Variants in FCHSD2 observed in about 807,000 individuals in gnomAD.
FCHSD2 encodes the protein F-BAR and double SH3 domains protein 2.
FCHSD2 carries 38 observed loss-of-function variants against 108.1 expected under a neutral mutation model. The observed-to-expected ratio is 0.35, with a 90% confidence interval of 0.27 to 0.46. The LOEUF (loss-of-function observed/expected upper bound fraction) is 0.46. FCHSD2 is among the 20% of genes least tolerant of loss of function. FCHSD2 has a pLI of 1.00. For missense variants in FCHSD2, 751 were observed against 897.8 expected (o/e 0.84, Z 2.09); for synonymous variants, 279 against 314.7 (o/e 0.89, Z 1.20).
At chr11:72,884,624 T>C (rs1855160261) in intron 12 of FCHSD2, among the ~76,000 whole-genome samples, 1 of 150,778 alleles carries the variant, frequency 6.6e-6, no homozygotes, top group African/African-American at 2.4e-5. Context: ...TACACACACA[T>C]ACATATAGTC....
intron 10 of FCHSD2, among the ~76,000 whole-genome samples, chr11:72,895,329 G>A (rs954428952): frequency 3.3e-5 from 5 of 152,136 alleles, no homozygotes; most frequent in African/African-American, 1.2e-4. Context: ...TGGATTAAGA[G>A]TACCAAAGGC....
chr11:72,889,294 G>A (rs556497422), intron 11 of FCHSD2, among the ~76,000 whole-genome samples: 1 of 152,288 alleles, frequency 6.6e-6, no homozygotes, highest in Admixed American at 6.5e-5. Flanking sequence ...TGTCTTGAGG[G>A]ATGAAAACTT....
intron 2 of FCHSD2, among the ~76,000 whole-genome samples, chr11:73,109,644 A>G (rs1298359647): frequency 1.3e-5 from 2 of 152,188 alleles, no homozygotes; most frequent in African/African-American, 4.8e-5. Flanking sequence ...AATCATCTGC[A>G]AACAAGCATA....
At chr11:73,015,035 G>C (rs1198531282) in intron 4 of FCHSD2, among the ~76,000 whole-genome samples, 1 of 151,976 alleles carries the variant, frequency 6.6e-6, no homozygotes, top group African/African-American at 2.4e-5. Context: ...GTAGAGACAG[G>C]GTTTCACCAT....
intron 12 of FCHSD2, among the ~76,000 whole-genome samples, chr11:72,870,249 T>C (rs10898887): frequency 0.26 from 39,547 of 152,090 alleles, 5,470 homozygotes; most frequent in East Asian, 0.48. Context: ...GCACTCTATA[T>C]AGATCTAATT....
chr11:72,952,182 G>A (rs1175954530), intron 8 of FCHSD2, among the ~76,000 whole-genome samples: 1 of 152,052 alleles, frequency 6.6e-6, no homozygotes, highest in Non-Finnish European at 1.5e-5. Context: ...CTCAGATGAA[G>A]CAACTCTCTC....
chr11:72,953,977 A>G (rs1388975416), intron 8 of FCHSD2, among the ~76,000 whole-genome samples: 1 of 152,120 alleles, frequency 6.6e-6, no homozygotes, highest in African/African-American at 2.4e-5. Context: ...AGAATTCTGA[A>G]TTTTAAATTT....
chr11:73,059,918 G>A (rs1859121416), intron 3 of FCHSD2, among the ~76,000 whole-genome samples: 1 of 152,106 alleles, frequency 6.6e-6, no homozygotes, highest in South Asian at 2.1e-4. Flanking sequence ...GCTTATATCT[G>A]CAGAAATTCT....
chr11:72,842,988 AC>A (rs1301889852), intron 16 of FCHSD2, 147 bp from the exon 17 acceptor site: 8 of 868,336 alleles, frequency 9.2e-6, no homozygotes, highest in Non-Finnish European at 1.4e-5. Context: ...TGAATGATTA[AC>A]TTTAGGGTTC....
chr11:73,123,653 T>C (rs1283859684), intron 2 of FCHSD2, among the ~76,000 whole-genome samples: 1 of 152,176 alleles, frequency 6.6e-6, no homozygotes, highest in South Asian at 2.1e-4. Flanking sequence ...ATTCAGGAAT[T>C]TGAATAAACT....
At chr11:73,097,932 C>T (rs1290163481) in intron 2 of FCHSD2, among the ~76,000 whole-genome samples, 1 of 152,162 alleles carries the variant, frequency 6.6e-6, no homozygotes, top group African/African-American at 2.4e-5. Context: ...CCTCGGCCTC[C>T]AACTGGCTAG....
Position 73,045,540 on chromosome 11 carries a change from T to C in FCHSD2, c.166-29655A>G, listed in dbSNP as rs1303376333. On this transcript the variant is annotated intron_variant, in intron 3 of 19. Transcript: ENST00000409418. ...ACCCAGATGTCCAACAATGATAGAA[T>C]GGATTAAGAAAATGTGGCACATATA... Among the ~76,000 whole-genome samples the C allele has an allele frequency of 6.6e-5, 10 of 151,512 alleles. No individual in the cohort carries two copies. The East Asian group carries it at 1.7e-3, about 26-fold the overall frequency.
chr11:72,983,563 T>C (rs929849505), intron 8 of FCHSD2, among the ~76,000 whole-genome samples: 8 of 152,176 alleles, frequency 5.3e-5, no homozygotes, highest in African/African-American at 1.7e-4. Flanking sequence ...AGAGATACAC[T>C]ATAAAAATAT....
At chr11:72,868,074 A>T (rs755109703) in intron 12 of FCHSD2, 48 bp from the exon 13 acceptor site, 2 of 1,521,226 alleles carry the variant, frequency 1.3e-6, no homozygotes, top group South Asian at 2.4e-5. Flanking sequence ...TATTATTCAC[A>T]ATAGCAAAGA....
chr11:72,857,562 C>T (rs547787051), intron 13 of FCHSD2, among the ~76,000 whole-genome samples: 100 of 151,244 alleles, frequency 6.6e-4, no homozygotes, highest in African/African-American at 2.3e-3. Flanking sequence ...CCTCAGCCTC[C>T]GGAGTAGCTG....
At chr11:73,108,689 C>G (rs913709559) in intron 2 of FCHSD2, among the ~76,000 whole-genome samples, 1 of 152,210 alleles carries the variant, frequency 6.6e-6, no homozygotes, top group African/African-American at 2.4e-5. Flanking sequence ...CTGCCTCAGC[C>G]TCCCGAGTAG....
intron 13 of FCHSD2, among the ~76,000 whole-genome samples, chr11:72,852,109 G>C (rs1052369749): frequency 6.6e-6 from 1 of 151,622 alleles, no homozygotes; most frequent in African/African-American, 2.4e-5. Context: ...GGCTGGTCTT[G>C]AACTCCTGGG....
chr11:73,126,137 C>T (rs1350651501), intron 2 of FCHSD2, among the ~76,000 whole-genome samples: 1 of 151,534 alleles, frequency 6.6e-6, no homozygotes, highest in Non-Finnish European at 1.5e-5. Flanking sequence ...GTCAGAAGTT[C>T]GAGACCAGGC....
intron 3 of FCHSD2, among the ~76,000 whole-genome samples, chr11:73,019,870 T>C (rs1357724626): frequency 6.6e-6 from 1 of 152,256 alleles, no homozygotes; most frequent in Non-Finnish European, 1.5e-5. Flanking sequence ...CCAGCCTAAT[T>C]AATTTGCTAA....
Sources: allele counts gnomAD v4.1 joint callset (sites outside exome capture counted in the v4.1 genomes callset), GRCh38; gene constraint gnomAD v4.1.1; transcripts MANE v1.5; gene names NCBI Gene and HGNC (gene_info 2026-07-23, HGNC 2026-07-21).